NRXN3: variants seen among roughly 807,000 people sequenced by gnomAD.
NRXN3 encodes the protein neurexin 3.
A neutral mutation model predicts 137.6 loss-of-function variants in NRXN3; 32 were observed. That is an observed-to-expected ratio of 0.23 (90% CI 0.18 to 0.31). The LOEUF (loss-of-function observed/expected upper bound fraction) is 0.31. Ranked by LOEUF, NRXN3 falls within the 10% of genes least tolerant of loss-of-function variation. The probability of loss-of-function intolerance (pLI) is 1.00; values close to 1 mark genes in which losing one functional copy is unlikely to be tolerated. For synonymous variants in NRXN3, 798 were observed against 784.5 expected (o/e 1.02, Z -0.29); for missense variants, 1,574 against 2,062.5 (o/e 0.76, Z 4.59).
intron 16 of NRXN3, among the ~76,000 whole-genome samples, chr14:79,585,081 G>A (rs568858838): frequency 1.3e-5 from 2 of 152,172 alleles, no homozygotes; most frequent in Non-Finnish European, 2.9e-5. Context: ...GAGATGGGCC[G>A]TTCAAGTTTT....
intron 4 of NRXN3, among the ~76,000 whole-genome samples, chr14:78,325,045 G>A (rs567621787): frequency 6.6e-6 from 1 of 152,132 alleles, no homozygotes; most frequent in East Asian, 1.9e-4. Context: ...AGGAGGCCGA[G>A]GCAGGTAGGA....
chr14:78,779,939 A>G (rs565595797), intron 8 of NRXN3, among the ~76,000 whole-genome samples: 18 of 152,214 alleles, frequency 1.2e-4, no homozygotes, highest in Non-Finnish European at 2.4e-4. Context: ...AGAACTGTTC[A>G]TGGAATTTGA....
intron 1 of NRXN3, among the ~76,000 whole-genome samples, chr14:78,217,728 C>T (rs1388629068): frequency 6.6e-6 from 1 of 152,200 alleles, no homozygotes; most frequent in Admixed American, 6.5e-5. Context: ...GCGGTGCGAT[C>T]TTGGCTCACT....
intron 16 of NRXN3, among the ~76,000 whole-genome samples, chr14:79,630,377 A>T (rs2098332254): frequency 6.6e-6 from 1 of 152,204 alleles, no homozygotes; most frequent in Non-Finnish European, 1.5e-5. Context: ...AGAGAGCAGA[A>T]TTTCAAGCCT....
rs76304638 is a variant in NRXN3 at position 78,827,271 on chromosome 14, G to A, written c.2275+16927G>A. Among the ~76,000 whole-genome samples the A allele has an allele frequency of 6.4e-3, 903 of 142,172 alleles. 67 individuals are homozygous for A. The East Asian group carries it at 0.16, about 25-fold the overall frequency. The allele number at this position is 142,172 out of a possible 152,430, so 93.3% of individuals were successfully genotyped here. A position where few individuals can be genotyped will look rare whatever the true frequency, so the allele number is the denominator to read the frequency against. On this transcript the variant is annotated intron_variant, in intron 10 of 20. Coordinates refer to ENST00000335750, the MANE Select transcript of NRXN3 (RefSeq NM_001330195.2). ...ATCCTTTGGGCTAACTGAGAGGACC[G>A]AAAAAAAAAAAAAATACAAAAGAAC...
At chr14:79,470,886 GAA>G (rs1411640914) in intron 16 of NRXN3, among the ~76,000 whole-genome samples, 7 of 148,332 alleles carry the variant, frequency 4.7e-5, no homozygotes, top group Admixed American at 1.3e-4. Context: ...GAGAGAGAGA[GAA>G]AGAGAGAGAG....
At chr14:78,388,574 T>C (rs2090320360) in intron 4 of NRXN3, among the ~76,000 whole-genome samples, 1 of 152,186 alleles carries the variant, frequency 6.6e-6, no homozygotes, top group South Asian at 2.1e-4. Flanking sequence ...AACACAGTCA[T>C]GTTCATTTGT....
intron 10 of NRXN3, among the ~76,000 whole-genome samples, chr14:78,878,822 T>C (rs983665431): frequency 6.6e-6 from 1 of 152,184 alleles, no homozygotes; most frequent in Non-Finnish European, 1.5e-5. Context: ...TGGAATTTTG[T>C]ACCCTTTGGT....
At chr14:79,757,074 T>G (rs1217557148) in intron 19 of NRXN3, among the ~76,000 whole-genome samples, 1 of 152,180 alleles carries the variant, frequency 6.6e-6, no homozygotes. Flanking sequence ...CCAGGTGAGC[T>G]TGGTCCCCAC....
intron 16 of NRXN3, among the ~76,000 whole-genome samples, chr14:79,482,527 G>T (rs1041692660): frequency 6.6e-6 from 1 of 152,046 alleles, no homozygotes. Flanking sequence ...CAAAAAAATA[G>T]CATCTTCACC....
chr14:78,367,485 T>A (rs2086142284), intron 4 of NRXN3, among the ~76,000 whole-genome samples: 1 of 152,180 alleles, frequency 6.6e-6, no homozygotes, highest in African/African-American at 2.4e-5. Context: ...CCAGTAATAC[T>A]GATTATATGC....
chr14:79,581,445 C>G (rs1480064671), intron 16 of NRXN3, among the ~76,000 whole-genome samples: 2 of 152,180 alleles, frequency 1.3e-5, no homozygotes, highest in African/African-American at 4.8e-5. Flanking sequence ...TCATGAACTT[C>G]CAACCAACAC....
chr14:79,130,317 C>G (rs2057265299), intron 15 of NRXN3, among the ~76,000 whole-genome samples: 1 of 152,068 alleles, frequency 6.6e-6, no homozygotes, highest in Admixed American at 6.5e-5. Context: ...CGGCTGGTAT[C>G]AGTTGTTCCT....
At chr14:78,325,198 C>T (rs2079907764) in intron 4 of NRXN3, among the ~76,000 whole-genome samples, 1 of 152,038 alleles carries the variant, frequency 6.6e-6, no homozygotes, top group African/African-American at 2.4e-5. Flanking sequence ...AAGGATTTAT[C>T]CTTCCATAAT....
chr14:79,760,647 C>T (rs573690867), intron 19 of NRXN3: 1 of 151,616 alleles, frequency 6.6e-6, no homozygotes, highest in South Asian at 2.1e-4. Flanking sequence ...AAGAGCCTTA[C>T]CCGGGATGAA....
chr14:79,462,704 C>T (rs2096363808), intron 15 of NRXN3, among the ~76,000 whole-genome samples: 2 of 151,338 alleles, frequency 1.3e-5, no homozygotes, highest in African/African-American at 2.4e-5. Context: ...TTTATTAAGC[C>T]ATTTTACCTG....
intron 4 of NRXN3, among the ~76,000 whole-genome samples, chr14:78,496,875 T>C (rs547592794): frequency 2.6e-5 from 4 of 152,170 alleles, no homozygotes; most frequent in Admixed American, 2.0e-4. Flanking sequence ...CCTGAAGGAC[T>C]CCAACTTGTA....
chr14:78,978,756 TATATA>T (rs1056550214), intron 14 of NRXN3, among the ~76,000 whole-genome samples: 18 of 147,812 alleles, frequency 1.2e-4, no homozygotes, highest in African/African-American at 4.2e-4. Context: ...ATACATCTTA[TATATA>T]ATATATTATA....
At chr14:79,669,116 C>T (rs1347396821) in intron 17 of NRXN3, 1 of 152,068 alleles carries the variant, frequency 6.6e-6, no homozygotes, top group Non-Finnish European at 1.5e-5. Context: ...AGATTTGAAG[C>T]ATGCATTAAA....
Sources: allele counts gnomAD v4.1 joint callset (sites outside exome capture counted in the v4.1 genomes callset), GRCh38; gene constraint gnomAD v4.1.1; transcripts MANE v1.5; gene names NCBI Gene and HGNC (gene_info 2026-07-23, HGNC 2026-07-21).